The following LRRC7 variants were observed in gnomAD, a reference collection of about 807,000 sequenced individuals.
LRRC7 encodes leucine rich repeat containing 7.
LRRC7 carries 23 observed loss-of-function variants against 175.7 expected under a neutral mutation model. The ratio of observed to expected loss-of-function variants is 0.13; its 90% confidence interval spans 0.09 to 0.19. The LOEUF is 0.19. LRRC7 is among the 10% of genes least tolerant of loss of function. The probability of loss-of-function intolerance (pLI) is 1.00; values close to 1 mark genes in which losing one functional copy is unlikely to be tolerated. For missense variants in LRRC7, 1,354 were observed against 1,904.7 expected, an observed-to-expected ratio of 0.71 and a Z score of 5.38; for synonymous variants, 685 against 680.9, an observed-to-expected ratio of 1.01 and a Z score of -0.09.
intron 2 of LRRC7, among the ~76,000 whole-genome samples, chr1:69,679,362 GC>G (rs1275253577): frequency 6.6e-6 from 1 of 152,000 alleles, no homozygotes; most frequent in Non-Finnish European, 1.5e-5. Flanking sequence ...GATTATATTG[GC>G]GTTTTTAAAT....
At chr1:70,007,824 T>C (rs1327882434) in intron 11 of LRRC7, among the ~76,000 whole-genome samples, 2 of 152,174 alleles carry the variant, frequency 1.3e-5, no homozygotes, top group Admixed American at 1.3e-4. Flanking sequence ...TTCATCACAC[T>C]TTCCTCATTT....
intron 1 of LRRC7, among the ~76,000 whole-genome samples, chr1:69,581,094 A>G (rs1646183214): frequency 6.6e-6 from 1 of 152,204 alleles, no homozygotes; most frequent in Non-Finnish European, 1.5e-5. Flanking sequence ...TATGAGGCAG[A>G]CATGAGCCAG....
At chr1:69,823,310 A>G (rs1037349476) in intron 4 of LRRC7, among the ~76,000 whole-genome samples, 20 of 152,176 alleles carry the variant, frequency 1.3e-4, no homozygotes, top group African/African-American at 4.6e-4. Flanking sequence ...TTATAAATTC[A>G]TCTTTACTGT....
chr1:70,071,279 C>A (rs1662366993), intron 23 of LRRC7, among the ~76,000 whole-genome samples: 1 of 152,164 alleles, frequency 6.6e-6, no homozygotes. Context: ...GCCCAGAGAA[C>A]TTACCACCAT....
At position 70,038,840 on chromosome 1, in the gene LRRC7, T is replaced by C. The variant is rs1189755053; in HGVS notation, c.3016T>C (p.Tyr1006His). 6.2e-7 allele frequency: 1 copy of C among 1,614,046 alleles called. No homozygotes were observed. The highest frequency in any genetic ancestry group is 8.5e-7 in the Non-Finnish European group (1 of 1,180,002). ...GGTGTATAACATACCATTAGAAAAC[T>C]ATGCTTCTGGGAGTGATCACTTAGG... ...YKVYNIPLEN[Y>H]ASGSDHLGSH... Residue 1006 changes from tyrosine to histidine, a missense_variant, in exon 21 of 27, where the codon TAT becomes CAT. Transcript: ENST00000651989.
Position 69,660,292 on chromosome 1 carries a change from A to G in LRRC7, c.3-18089A>G, listed in dbSNP as rs76053694. On this transcript the variant is annotated intron_variant, in intron 1 of 26. Coordinates refer to ENST00000651989, the MANE Select transcript of LRRC7 (RefSeq NM_001370785.2). Reference sequence around the variant, plus strand: ...AATAATATAGTCTCAAATTACATAAAGCAAAAAGAAATGACAGAACTGTAG... The same window carrying G: ...AATAATATAGTCTCAAATTACATAAGGCAAAAAGAAATGACAGAACTGTAG... Among the ~76,000 whole-genome samples the G allele has an allele frequency of 5.4e-3, 823 of 152,232 alleles. 37 individuals carry two copies. In the East Asian group the frequency reaches 0.11, roughly 20 times the overall value.
At chr1:69,820,961 A>C (rs1027939279) in intron 4 of LRRC7, among the ~76,000 whole-genome samples, 4 of 152,168 alleles carry the variant, frequency 2.6e-5, no homozygotes, top group African/African-American at 9.7e-5. Context: ...TGGGTGAACT[A>C]ATTTACACTC....
chr1:70,054,144 A>C (rs1446879035), intron 23 of LRRC7, among the ~76,000 whole-genome samples: 2 of 152,190 alleles, frequency 1.3e-5, no homozygotes, highest in Non-Finnish European at 2.9e-5. Flanking sequence ...ATTATCATAC[A>C]TGTCATTCAG....
At chr1:69,781,945 A>AGAAAGAAAG (rs1348084581) in intron 3 of LRRC7, among the ~76,000 whole-genome samples, 3 of 145,644 alleles carry the variant, frequency 2.1e-5, no homozygotes, top group East Asian at 2.1e-4. Flanking sequence ...AGAAAGAGAA[A>AGAAAGAAAG]AGAAAAGAAA....
chr1:69,933,548 C>T (rs1297217794), intron 8 of LRRC7, among the ~76,000 whole-genome samples: 2 of 152,154 alleles, frequency 1.3e-5, no homozygotes, highest in Non-Finnish European at 2.9e-5. Context: ...GTCTATAGCT[C>T]ACTCTCTAAC....
intron 4 of LRRC7, among the ~76,000 whole-genome samples, chr1:69,822,739 A>G (rs1241022956): frequency 6.6e-6 from 1 of 152,198 alleles, no homozygotes; most frequent in African/African-American, 2.4e-5. Context: ...GAAATGGGTA[A>G]AATGAAACTA....
intron 25 of LRRC7, among the ~76,000 whole-genome samples, chr1:70,104,015 A>G (rs756299608): frequency 6.6e-6 from 1 of 152,222 alleles, no homozygotes; most frequent in African/African-American, 2.4e-5. Flanking sequence ...ATGTTATAAG[A>G]AACTGAACAC....
At chr1:70,072,326 C>T (rs1662448723) in intron 23 of LRRC7, among the ~76,000 whole-genome samples, 1 of 152,182 alleles carries the variant, frequency 6.6e-6, no homozygotes. Flanking sequence ...TAAGTCTAGT[C>T]TCTTACATTT....
chr1:69,931,434 G>A, intron 7 of LRRC7, 73 bp from the exon 8 acceptor site: 9 of 1,172,744 alleles, frequency 7.7e-6, no homozygotes, highest in African/African-American at 1.5e-5. Flanking sequence ...CTGACAGGAA[G>A]GTGGTTGGAA....
intron 10 of LRRC7, among the ~76,000 whole-genome samples, chr1:69,987,890 A>T (rs574172462): frequency 6.6e-6 from 1 of 152,314 alleles, no homozygotes; most frequent in African/African-American, 2.4e-5. Context: ...CTTAACTGAG[A>T]GTTTTATTAA....
chr1:69,845,810 T>A (rs1344059402), intron 7 of LRRC7, among the ~76,000 whole-genome samples: 2 of 152,110 alleles, frequency 1.3e-5, no homozygotes, highest in Admixed American at 1.3e-4. Flanking sequence ...ATTAACTCTG[T>A]ATTTGTAATT....
At chr1:69,710,419 C>A (rs1278017760) in intron 2 of LRRC7, among the ~76,000 whole-genome samples, 3 of 152,122 alleles carry the variant, frequency 2.0e-5, no homozygotes, top group African/African-American at 7.2e-5. Context: ...CAGCAGCAAC[C>A]AGCAAAGCAG....
chr1:70,046,645 T>G (rs953161034), intron 22 of LRRC7, among the ~76,000 whole-genome samples: 3 of 152,142 alleles, frequency 2.0e-5, no homozygotes, highest in Non-Finnish European at 2.9e-5. Context: ...CATTTAGGCA[T>G]CTGGGACAGC....
At position 70,125,599 on chromosome 1, in the gene LRRC7, C is replaced by T. The variant is rs1434780895; in HGVS notation, c.*3712C>T. ...CGAGGTCAGGAGATCGAGACCATCC[C>T]AGCTAAAACGGTGAAACCCCGTCTC... is the stretch of plus-strand genomic sequence containing the variant. On this transcript the variant is annotated 3_prime_UTR_variant, in exon 27 of 27. Transcript: ENST00000651989. 1.3e-5 allele frequency among the ~76,000 whole-genome samples: 2 copies of T among 151,704 alleles called. No homozygotes were observed. The highest frequency in any genetic ancestry group is 2.1e-4 in the South Asian group (1 of 4,806).
Sources: allele counts gnomAD v4.1 joint callset (sites outside exome capture counted in the v4.1 genomes callset), GRCh38; gene constraint gnomAD v4.1.1; transcripts MANE v1.5; gene names NCBI Gene and HGNC (gene_info 2026-07-23, HGNC 2026-07-21).